Variants in DLG2 observed in about 807,000 individuals in gnomAD.
DLG2 encodes disks large homolog 2.
Under a neutral mutation model 132.5 loss-of-function variants are expected in DLG2, and 45 were observed. The ratio of observed to expected loss-of-function variants is 0.34; its 90% confidence interval spans 0.27 to 0.44. The LOEUF (loss-of-function observed/expected upper bound fraction) is 0.44, where lower values mean the gene tolerates loss of function less well. DLG2 is among the 20% of genes least tolerant of loss of function. The pLI is 1.00. For synonymous variants in DLG2, 424 were observed against 419.6 expected, an observed-to-expected ratio of 1.01 and a Z score of -0.13; for missense variants, 1,045 against 1,196.9, an observed-to-expected ratio of 0.87 and a Z score of 1.87.
chr11:84,619,601 T>C (rs1294373127), intron 6 of DLG2, among the ~76,000 whole-genome samples: 2 of 151,394 alleles, frequency 1.3e-5, no homozygotes, highest in Non-Finnish European at 3.0e-5. Flanking sequence ...CCAATCAATA[T>C]AATCACATTA....
At chr11:84,844,135 GTATATA>G (rs74200849) in intron 6 of DLG2, among the ~76,000 whole-genome samples, 35 of 43,692 alleles carry the variant, frequency 8.0e-4, no homozygotes, top group Middle Eastern at 0.025. Context: ...GTGTGTGTGT[GTATATA>G]TATATATATA....
chr11:85,285,732 C>A (rs903274288), intron 3 of DLG2, among the ~76,000 whole-genome samples: 25 of 151,968 alleles, frequency 1.6e-4, no homozygotes, highest in South Asian at 4.1e-4. Context: ...GGAAAGGATA[C>A]ATACTGTATG....
chr11:83,555,323 G>T (rs2096492555), intron 19 of DLG2, among the ~76,000 whole-genome samples: 1 of 152,184 alleles, frequency 6.6e-6, no homozygotes, highest in African/African-American at 2.4e-5. Context: ...AAGCCTTTGG[G>T]GATTTTAAAC....
At chr11:84,737,134 T>A (rs1401787788) in intron 6 of DLG2, among the ~76,000 whole-genome samples, 1 of 151,926 alleles carries the variant, frequency 6.6e-6, no homozygotes, top group Non-Finnish European at 1.5e-5. Context: ...ATGCCTGAGA[T>A]TTTTTTAGGT....
Position 84,487,808 on chromosome 11 carries a change from A to G in DLG2, c.519+46762T>C, listed in dbSNP as rs557425655. ...ACCAAGGAAGTACCACTAAAATGGC[A>G]TTGAAAAACAGGAGGATTTCAACAG... On this transcript the variant is annotated intron_variant, in intron 7 of 27. Coordinates refer to ENST00000376104, the MANE Select transcript of DLG2 (RefSeq NM_001142699.3). Among the ~76,000 whole-genome samples the G allele has an allele frequency of 9.9e-4, 150 of 152,262 alleles. 1 individual carries two copies. The highest frequency in any genetic ancestry group is 3.4e-3 in the African/African-American group (142 of 41,568).
chr11:84,406,296 G>T (rs550599653), intron 7 of DLG2, among the ~76,000 whole-genome samples: 72 of 151,948 alleles, frequency 4.7e-4, no homozygotes, highest in Non-Finnish European at 8.1e-4. Context: ...ACCTTTTTTT[G>T]TTGTTGTTTT....
intron 6 of DLG2, among the ~76,000 whole-genome samples, chr11:84,643,074 C>A (rs937126304): frequency 2.0e-5 from 3 of 152,054 alleles, no homozygotes; most frequent in Admixed American, 2.0e-4. Context: ...ACAGTTAAAT[C>A]AATTTATTTT....
In DLG2 at chr11:85,550,901, A is replaced by C. The variant is rs563434600; in HGVS notation, c.40+47756T>G. On this transcript the variant is annotated intron_variant, in intron 3 of 27. Transcript: ENST00000376104. ...TTGCTGAATGCCGTATTTCCAAAGG[A>C]AAGAAGGAACAAGTTAGCCACCTAG... 2.6e-5 allele frequency among the ~76,000 whole-genome samples: 4 copies of C among 152,342 alleles called. No individual in the cohort carries two copies. The South Asian group carries it at 8.3e-4, about 32-fold the overall frequency.
chr11:84,364,372 CTT>C (rs1484793162), intron 7 of DLG2, among the ~76,000 whole-genome samples: 1 of 152,098 alleles, frequency 6.6e-6, no homozygotes, highest in Non-Finnish European at 1.5e-5. Flanking sequence ...TATCCTGAGA[CTT>C]TGCTGAAGTT....
intron 11 of DLG2, among the ~76,000 whole-genome samples, chr11:84,010,963 A>T (rs1260041907): frequency 2.6e-5 from 4 of 152,106 alleles, no homozygotes; most frequent in Non-Finnish European, 5.9e-5. Flanking sequence ...ACTTTCCTGT[A>T]TTTCGAATTA....
chr11:85,610,053 G>T, intron 2 of DLG2, among the ~76,000 whole-genome samples: 1 of 152,122 alleles, frequency 6.6e-6, no homozygotes, highest in East Asian at 1.9e-4. Context: ...TACTTGAGAA[G>T]GGAATCAACC....
At chr11:84,955,175 T>C (rs373912227) in intron 6 of DLG2, among the ~76,000 whole-genome samples, 1 of 152,372 alleles carries the variant, frequency 6.6e-6, no homozygotes, top group Non-Finnish European at 1.5e-5. Flanking sequence ...TTACTTGTTT[T>C]ACATTGCAGT....
intron 3 of DLG2, among the ~76,000 whole-genome samples, chr11:85,374,921 T>C (rs1054259578): frequency 1.3e-5 from 2 of 152,134 alleles, no homozygotes; most frequent in Admixed American, 1.3e-4. Context: ...CCTTTAGGGC[T>C]GAAATGTTAC....
At chr11:85,524,657 T>C (rs934354381) in intron 3 of DLG2, among the ~76,000 whole-genome samples, 5 of 152,100 alleles carry the variant, frequency 3.3e-5, no homozygotes, top group African/African-American at 1.2e-4. Flanking sequence ...CACATTCGAC[T>C]AATTTTGTTT....
intron 18 of DLG2, among the ~76,000 whole-genome samples, chr11:83,651,089 C>A (rs536961788): frequency 2.6e-5 from 4 of 152,170 alleles, no homozygotes; most frequent in African/African-American, 9.6e-5. Context: ...GTTTCCCCTG[C>A]CAGCCTAAAA....
chr11:84,102,367 A>G (rs1365417652), intron 9 of DLG2, among the ~76,000 whole-genome samples: 1 of 152,174 alleles, frequency 6.6e-6, no homozygotes, highest in African/African-American at 2.4e-5. Flanking sequence ...ATGAAGTAAC[A>G]GAAAAACAAG....
chr11:83,697,456 G>A (rs987606563), intron 18 of DLG2, among the ~76,000 whole-genome samples: 1 of 152,166 alleles, frequency 6.6e-6, no homozygotes, highest in Non-Finnish European at 1.5e-5. Context: ...AAAGTCTTGG[G>A]AAGCAGATGG....
At chr11:85,577,555 C>T (rs2078231841) in intron 3 of DLG2, among the ~76,000 whole-genome samples, 4 of 151,796 alleles carry the variant, frequency 2.6e-5, no homozygotes, top group South Asian at 4.2e-4. Flanking sequence ...TCAGAATGCT[C>T]GACAGACAAC....
intron 6 of DLG2, among the ~76,000 whole-genome samples, chr11:85,096,856 G>A (rs181666362): frequency 1.0e-3 from 152 of 152,224 alleles, no homozygotes; most frequent in Admixed American, 2.0e-3. Flanking sequence ...CTAAAGACAC[G>A]GGTGTCAGGC....
Sources: gnomAD v4.1 joint callset for allele counts (sites outside exome capture counted in the v4.1 genomes callset) on GRCh38, gnomAD v4.1.1 for gene constraint, MANE v1.5 for transcripts, NCBI Gene and HGNC (gene_info 2026-07-23, HGNC 2026-07-21) for gene names.